The following HMGB1 variants were observed in gnomAD, a reference collection of about 807,000 sequenced individuals.
HMGB1 encodes high mobility group box 1.
For synonymous variants in HMGB1, 81 were observed against 84.0 expected (o/e 0.96, Z 0.19); for missense variants, 79 against 253.5 (o/e 0.31, Z 4.67).
intron 1 of HMGB1, among the ~76,000 whole-genome samples, chr13:30,492,169 A>G (rs1887511612): frequency 6.6e-6 from 1 of 151,848 alleles, no homozygotes; most frequent in Non-Finnish European, 1.5e-5. Context: ...TCCCTCTAAA[A>G]AAAAAAAAAG....
intron 1 of HMGB1, among the ~76,000 whole-genome samples, chr13:30,513,281 C>T (rs770210643): frequency 2.1e-4 from 32 of 152,298 alleles, no homozygotes; most frequent in Non-Finnish European, 3.4e-4. Context: ...GCTCTTTAGT[C>T]ACTTTTCATG....
intron 1 of HMGB1, among the ~76,000 whole-genome samples, chr13:30,606,033 A>G (rs2137569447): frequency 6.6e-6 from 1 of 152,274 alleles, no homozygotes; most frequent in Non-Finnish European, 1.5e-5. Context: ...TTTCCCCAAT[A>G]TGTGATTTGC....
At chr13:30,605,331 C>T (rs74043514) in intron 1 of HMGB1, among the ~76,000 whole-genome samples, 4,929 of 152,108 alleles carry the variant, frequency 0.032, 251 homozygotes, top group African/African-American at 0.11. Context: ...AGCTATACAA[C>T]AGGATAAGGT....
chr13:30,581,693 A>G (rs1256521140), intron 1 of HMGB1, among the ~76,000 whole-genome samples: 1 of 152,188 alleles, frequency 6.6e-6, no homozygotes, highest in Non-Finnish European at 1.5e-5. Flanking sequence ...GGGGTTCCCA[A>G]TCAGGACTCT....
At position 30,609,036 on chromosome 13, in the gene HMGB1, T is replaced by C. The variant is rs922953877; in HGVS notation, c.-15+7635A>G. 9.2e-4 allele frequency among the ~76,000 whole-genome samples: 129 copies of C among 139,494 alleles called. 1 individual carries two copies. The highest frequency in any genetic ancestry group is 1.7e-3 in the Non-Finnish European group (100 of 59,802). 91.5% of individuals were successfully genotyped at this position (139,494 alleles called of 152,430 possible). On this transcript the variant is annotated intron_variant, in intron 1 of 4. Transcript: ENST00000405805. ...CAGCACTTGGGGAGGCCAAGGCGGGTGGATCACGAGGTCAGGAGATCAAGA... is the reference window on the plus strand; with the variant it reads ...CAGCACTTGGGGAGGCCAAGGCGGGCGGATCACGAGGTCAGGAGATCAAGA...
intron 1 of HMGB1, among the ~76,000 whole-genome samples, chr13:30,538,457 T>TCTTTCTTTCTTC (rs1868558999): frequency 1.4e-5 from 1 of 70,086 alleles, no homozygotes; most frequent in African/African-American, 8.5e-5. Flanking sequence ...AGCAATTCTT[T>TCTTTCTTTCTTC]CTTTCTTTCT....
At chr13:30,611,343 T>C (rs1395820431) in intron 1 of HMGB1, among the ~76,000 whole-genome samples, 2 of 152,168 alleles carry the variant, frequency 1.3e-5, no homozygotes, top group Non-Finnish European at 2.9e-5. Context: ...TTTGTTTTTT[T>C]AGTAGAGATG....
intron 1 of HMGB1, among the ~76,000 whole-genome samples, chr13:30,567,464 C>T (rs1026199304): frequency 2.0e-5 from 3 of 152,102 alleles, no homozygotes; most frequent in Admixed American, 2.0e-4. Flanking sequence ...ATTCTCCTGC[C>T]TCAGTCTCCC....
At chr13:30,570,067 T>C (rs1320294938) in intron 1 of HMGB1, among the ~76,000 whole-genome samples, 1 of 152,214 alleles carries the variant, frequency 6.6e-6, no homozygotes, top group Non-Finnish European at 1.5e-5. Flanking sequence ...CAACAGCGAT[T>C]TCTTTGTAAG....
At chr13:30,492,965 T>C (rs1887531746) in intron 1 of HMGB1, among the ~76,000 whole-genome samples, 1 of 122,264 alleles carries the variant, frequency 8.2e-6, no homozygotes, top group Admixed American at 1.2e-4. Context: ...CACTCCAGCC[T>C]GGCCAGGTGA....
At chr13:30,532,891 C>G (rs1356882863) in intron 1 of HMGB1, among the ~76,000 whole-genome samples, 1 of 152,172 alleles carries the variant, frequency 6.6e-6, no homozygotes, top group Non-Finnish European at 1.5e-5. Context: ...AGTACTTCCA[C>G]AGATGAGCTC....
At chr13:30,538,523 C>CCTTTCTTTCTTTCCTTT (rs1566018819) in intron 1 of HMGB1, among the ~76,000 whole-genome samples, 14 of 85,180 alleles carry the variant, frequency 1.6e-4, no homozygotes, top group Admixed American at 2.2e-4. Flanking sequence ...TTCTTTCTTT[C>CCTTTCTTTCTTTCCTTT]CTTTCTTTCT....
At chr13:30,496,167 AG>A (rs574582198) in intron 1 of HMGB1, among the ~76,000 whole-genome samples, 63 of 152,354 alleles carry the variant, frequency 4.1e-4, no homozygotes, top group African/African-American at 1.4e-3. Flanking sequence ...GGGTGCCCAA[AG>A]GAAGGAAAAG....
At chr13:30,530,491 A>G (rs1888470399) in intron 1 of HMGB1, among the ~76,000 whole-genome samples, 1 of 152,214 alleles carries the variant, frequency 6.6e-6, no homozygotes, top group Admixed American at 6.5e-5. Context: ...AATTATCCAC[A>G]TGGATACCCT....
At position 30,554,202 on chromosome 13, in the gene HMGB1, C is replaced by T. The variant is rs556873629; in HGVS notation, c.-15+62469G>A. 5.9e-5 allele frequency: 84 copies of T among 1,434,716 alleles called. No individual in the cohort carries two copies. The East Asian group carries it at 1.1e-3, about 19-fold the overall frequency. 88.9% of individuals were successfully genotyped at this position (1,434,716 alleles called of 1,614,324 possible). ...AGAACAATATCTCACTTGCATTATA[C>T]GACCTGGCCAGATTTTGGAGTCCCT... On this transcript the variant is annotated intron_variant, in intron 1 of 4. Coordinates refer to the HMGB1 transcript ENST00000405805.
intron 1 of HMGB1, chr13:30,465,183 C>G (rs1172371567): frequency 1.1e-6 from 1 of 941,254 alleles, no homozygotes; most frequent in Non-Finnish European, 1.3e-6. Flanking sequence ...CGCCGCTCCC[C>G]CCGCCGCCCG....
chr13:30,511,241 T>C (rs1887984655), intron 1 of HMGB1, among the ~76,000 whole-genome samples: 1 of 152,204 alleles, frequency 6.6e-6, no homozygotes. Flanking sequence ...GGTTTGGATA[T>C]TGCTTCTCTC....
intron 1 of HMGB1, among the ~76,000 whole-genome samples, chr13:30,473,958 C>T (rs1457684464): frequency 2.6e-5 from 4 of 152,120 alleles, no homozygotes. Flanking sequence ...AAGAAGGCCA[C>T]ATATTGTATG....
At position 30,457,185 on chromosome 13, in the gene HMGB1, C is replaced by T. The variant is rs1886026771; in HGVS notation, c.*4172G>A. 6.6e-6 allele frequency: 1 copy of T among 152,148 alleles called. No homozygotes were observed. Among genetic ancestry groups the T allele is most frequent in the Admixed American group, 6.5e-5 (1 of 15,268 alleles). 9.4% of individuals were successfully genotyped at this position (152,148 alleles called of 1,614,324 possible). On this transcript the variant is annotated 3_prime_UTR_variant, in exon 5 of 5. Coordinates refer to ENST00000341423, the MANE Select transcript of HMGB1 (RefSeq NM_002128.7). Reference sequence around the variant, plus strand: ...TATTTATTTCTAGTAGACAAGGCCTCACTATGTTGCCCAGGCTAGTGTCAA... The same window carrying T: ...TATTTATTTCTAGTAGACAAGGCCTTACTATGTTGCCCAGGCTAGTGTCAA...
Sources: gnomAD v4.1 joint callset for allele counts (sites outside exome capture counted in the v4.1 genomes callset) on GRCh38, gnomAD v4.1.1 for gene constraint, MANE v1.5 for transcripts, NCBI Gene and HGNC (gene_info 2026-07-23, HGNC 2026-07-21) for gene names.